Variants in SYNJ2 observed in about 807,000 individuals in gnomAD.
SYNJ2 encodes synaptojanin 2.
In SYNJ2, 116 loss-of-function variants were observed where a neutral mutation model predicts 141.3. That is an observed-to-expected ratio of 0.82 (90% CI 0.71 to 0.96). The LOEUF (loss-of-function observed/expected upper bound fraction) is 0.96, where lower values mean the gene tolerates loss of function less well. SYNJ2 is among the 40% of genes least tolerant of loss of function. The pLI is 0.00. For synonymous variants in SYNJ2, 745 were observed against 777.7 expected (o/e 0.96, Z 0.70); for missense variants, 1,873 against 1,934.8 (o/e 0.97, Z 0.60).
chr6:158,028,990 G>C lies in SYNJ2; in HGVS notation c.449G>C (p.Gly150Ala). 2 of 1,604,200 alleles carry C rather than the reference G, an allele frequency of 1.2e-6. No homozygotes were observed. Among genetic ancestry groups the C allele is most frequent in the Non-Finnish European group, 1.7e-6 (2 of 1,177,132 alleles). ...FDLTVRTQKQ[G>A]DDSSEWGNSF... Reference sequence around the variant, plus strand: ...CTGACTGTCCGCACGCAGAAGCAGGGGGATGACAGCTCTGAATGGGGGAAC... The same window carrying C: ...CTGACTGTCCGCACGCAGAAGCAGGCGGATGACAGCTCTGAATGGGGGAAC... The change falls in exon 3 of 27, where the codon GGG (glycine) becomes GCG (alanine). Residue 150 changes from glycine (G) to alanine (A), a missense_variant. By Grantham distance (60) the Gly-to-Ala change is moderately conservative. Coordinates refer to ENST00000355585, the MANE Select transcript of SYNJ2 (RefSeq NM_003898.4).
chr6:158,007,866 G>A (rs1025799740), intron 1 of SYNJ2, among the ~76,000 whole-genome samples: 1 of 152,092 alleles, frequency 6.6e-6, no homozygotes. Context: ...ACAGCTCACT[G>A]TAGTCTTGAC....
chr6:158,007,017 T>C (rs912788462), intron 1 of SYNJ2, among the ~76,000 whole-genome samples: 5 of 151,460 alleles, frequency 3.3e-5, no homozygotes, highest in African/African-American at 1.2e-4. Context: ...CCAGGCTGGA[T>C]TGCAGTGGCG....
At chr6:158,087,452 T>A (rs1381268012) in intron 23 of SYNJ2, among the ~76,000 whole-genome samples, 1 of 152,206 alleles carries the variant, frequency 6.6e-6, no homozygotes, top group Non-Finnish European at 1.5e-5. Flanking sequence ...TCAGAACAAG[T>A]TCCCCCTTAT....
intron 4 of SYNJ2, among the ~76,000 whole-genome samples, chr6:158,036,943 G>A (rs184329007): frequency 6.6e-6 from 1 of 152,214 alleles, no homozygotes; most frequent in East Asian, 1.9e-4. Flanking sequence ...TAAAATACTG[G>A]TTTTGGATTT....
chr6:158,078,088 T>C (rs1782431988), intron 17 of SYNJ2, 76 bp from the exon 18 acceptor site: 1 of 949,574 alleles, frequency 1.1e-6, no homozygotes, highest in Non-Finnish European at 1.7e-6. Context: ...ACCTCTATTG[T>C]GGAAGTGTCA....
chr6:157,981,767 T>A, upstream of SYNJ2: 1 of 425,170 alleles, frequency 2.4e-6, no homozygotes, highest in Non-Finnish European at 3.8e-6. This position sits in a 1 kb window ranked among gnomAD's most constrained non-coding sequence, Gnocchi z 6.4. Flanking sequence ...CGGCGCGCCC[T>A]CACCTGCCCC....
chr6:158,095,564 C>T, intron 26 of SYNJ2, 54 bp from the exon 27 acceptor site: 1 of 1,522,064 alleles, frequency 6.6e-7, no homozygotes, highest in Non-Finnish European at 8.8e-7. Flanking sequence ...CTCTGATCCT[C>T]AGCTGCCTAG....
intron 12 of SYNJ2, chr6:158,067,682 A>G: frequency 1.0e-6 from 1 of 985,316 alleles, no homozygotes; most frequent in Non-Finnish European, 1.2e-6. Context: ...TTCATGCCCC[A>G]CAGCTGCCTG....
At chr6:157,999,883 T>C (rs1777771202) in intron 1 of SYNJ2, among the ~76,000 whole-genome samples, 1 of 151,986 alleles carries the variant, frequency 6.6e-6, no homozygotes, top group South Asian at 2.1e-4. Flanking sequence ...GCAGCTCCGG[T>C]TAGTGGATGA....
At chr6:158,082,532 C>T (rs1235188947) in intron 20 of SYNJ2, among the ~76,000 whole-genome samples, 1 of 148,576 alleles carries the variant, frequency 6.7e-6, no homozygotes, top group African/African-American at 2.5e-5. Context: ...CATGGTGGCG[C>T]GTGCCTCTAG....
chr6:158,045,099 CTTTTTTTTTTTT>C (rs761042284), intron 5 of SYNJ2, among the ~76,000 whole-genome samples: 1 of 112,284 alleles, frequency 8.9e-6, no homozygotes, highest in Non-Finnish European at 1.8e-5. Flanking sequence ...AGGGGTCCTC[CTTTTTTTTTTTT>C]TTTTTTTTTT....
rs574321788 is a variant in SYNJ2, at chr6:158,019,730, C to G, written c.214+2440C>G. Among the ~76,000 whole-genome samples, 21 of 152,286 alleles carry G rather than the reference C, an allele frequency of 1.4e-4. No homozygotes were observed. The South Asian group carries it at 4.1e-3, about 30-fold the overall frequency. Reference sequence around the variant, plus strand: ...CCTGCCCACCTGTGAGAGTCACCCCCCGGAGTGGGTTGGAGTTTCTCTGAG... The same window carrying G: ...CCTGCCCACCTGTGAGAGTCACCCCGCGGAGTGGGTTGGAGTTTCTCTGAG... On this transcript the variant is annotated intron_variant, in intron 2 of 26. Coordinates refer to ENST00000355585, the MANE Select transcript of SYNJ2 (RefSeq NM_003898.4).
At chr6:158,018,221 C>CA (rs1056571334) in intron 2 of SYNJ2, among the ~76,000 whole-genome samples, 1 of 152,226 alleles carries the variant, frequency 6.6e-6, no homozygotes, top group Non-Finnish European at 1.5e-5. Flanking sequence ...TGGGTGGTCA[C>CA]AGCCAAACTC....
At position 158,084,129 on chromosome 6, in the gene SYNJ2, A is replaced by C. The variant is rs1782886216; in HGVS notation, c.3163A>C (p.Lys1055Gln). The C allele has an allele frequency of 1.2e-6, 2 of 1,614,026 alleles. No homozygotes were observed. The highest frequency in any genetic ancestry group is 3.3e-5 in the Admixed American group (2 of 59,992). The change falls in exon 22 of 27, where the codon AAG becomes CAG. Residue 1055 changes from lysine to glutamine, a missense_variant. Physicochemically the swap from Lys to Gln is moderately conservative, Grantham distance 53 (BLOSUM62 1). Coordinates refer to ENST00000355585, the MANE Select transcript of SYNJ2 (RefSeq NM_003898.4). This position sits in a 1 kb window ranked among gnomAD's most constrained non-coding sequence, Gnocchi z 5.0. ...CCCCACAGCACTGGCTCCTCCCAGC[A>C]AGTCACCTGCTCTCACCAAAAAGAA... is the stretch of plus-strand genomic sequence containing the variant. ...PGPTALAPPS[K>Q]SPALTKKKQH...
rs1777057429 is a variant in SYNJ2, at chr6:157,982,637, T to A, written c.127+549T>A. ...ACTTGTAAACAAATATACCATGACC[T>A]TTATGCTGTCTTAGATCCTGCCAAG... On this transcript the variant is annotated intron_variant, in intron 1 of 26. Transcript: ENST00000355585. This position sits in a 1 kb window ranked among gnomAD's most constrained non-coding sequence, Gnocchi z 4.0. Among the ~76,000 whole-genome samples the A allele has an allele frequency of 6.6e-6, 1 of 152,196 alleles. No individual in the cohort carries two copies. The highest frequency in any genetic ancestry group is 2.4e-5 in the African/African-American group (1 of 41,450).
At chr6:157,996,794 A>G (rs371756294) in intron 1 of SYNJ2, among the ~76,000 whole-genome samples, 2 of 152,194 alleles carry the variant, frequency 1.3e-5, no homozygotes, top group Non-Finnish European at 2.9e-5. Flanking sequence ...TGCTCCTGCC[A>G]TGTAAGTTGC....
rs1382245468 is a variant in SYNJ2 at position 158,070,610 on chromosome 6, C to T, written c.1940+937C>T. On this transcript the variant is annotated intron_variant, in intron 14 of 26. Coordinates refer to ENST00000355585, the MANE Select transcript of SYNJ2 (RefSeq NM_003898.4). This position sits in a 1 kb window ranked among gnomAD's most constrained non-coding sequence, Gnocchi z 4.0. ...CCAGGTTTCCCAGGCTCGGTGTCCT[C>T]GGCTTCACGTGCCTTTAGCCCTGAG... The T allele has an allele frequency of 3.1e-6, 2 of 653,478 alleles. No homozygotes were observed. Among genetic ancestry groups the T allele is most frequent in the Non-Finnish European group, 3.8e-6 (2 of 527,286 alleles). The allele number at this position is 653,478 out of a possible 1,614,324, so 40.5% of individuals were successfully genotyped here.
At chr6:158,011,470 AG>A (rs1337517175) in intron 1 of SYNJ2, among the ~76,000 whole-genome samples, 1 of 152,196 alleles carries the variant, frequency 6.6e-6, no homozygotes, top group African/African-American at 2.4e-5. Context: ...GCATTGTATA[AG>A]TCAGAGGTAA....
At position 158,076,772 on chromosome 6, in the gene SYNJ2, T is replaced by C; in HGVS notation, c.2439T>C (p.Phe813=). The change falls in exon 17 of 27, where the codon TTT becomes TTC. Residue 813 remains phenylalanine (F), a synonymous_variant. Coordinates refer to ENST00000355585, the MANE Select transcript of SYNJ2 (RefSeq NM_003898.4). ...RVLWWRKKHP[F]DKTAGELNLL... is the part of the protein sequence containing the mutation. ...TGTGGTGGAGGAAGAAACATCCCTTTGATAAAACAGGTGAGGGGGCCGTGC... is the reference window on the plus strand; with the variant it reads ...TGTGGTGGAGGAAGAAACATCCCTTCGATAAAACAGGTGAGGGGGCCGTGC... The C allele has an allele frequency of 6.2e-7, 1 of 1,611,688 alleles. No individual in the cohort carries two copies. The highest frequency in any genetic ancestry group is 8.5e-7 in the Non-Finnish European group (1 of 1,178,702).
Sources: allele counts gnomAD v4.1 joint callset (sites outside exome capture counted in the v4.1 genomes callset), GRCh38; gene constraint gnomAD v4.1.1; non-coding constraint Gnocchi (gnomAD v3.1); transcripts MANE v1.5; gene names NCBI Gene and HGNC (gene_info 2026-07-23, HGNC 2026-07-21).